COL23A1: variants seen among roughly 807,000 people sequenced by gnomAD.
COL23A1 encodes the protein collagen type XXIII alpha 1 chain.
A neutral mutation model predicts 99.3 loss-of-function variants in COL23A1; 97 were observed. The ratio of observed to expected loss-of-function variants is 0.98; its 90% confidence interval spans 0.83 to 1.16. The LOEUF is 1.16. Ranked by LOEUF, COL23A1 falls within the 50% of genes most tolerant of loss-of-function variation. COL23A1 has a pLI of 0.00. For missense variants in COL23A1, 762 were observed against 757.4 expected, an observed-to-expected ratio of 1.01 and a Z score of -0.07; for synonymous variants, 320 against 308.2, an observed-to-expected ratio of 1.04 and a Z score of -0.40.
chr5:178,479,555 C>T (rs1757219483), intron 2 of COL23A1, among the ~76,000 whole-genome samples: 1 of 152,136 alleles, frequency 6.6e-6, no homozygotes, highest in Admixed American at 6.5e-5. Context: ...ACATGGGACC[C>T]GTTCCCAGGA....
At chr5:178,516,654 T>C (rs572579784) in intron 2 of COL23A1, among the ~76,000 whole-genome samples, 1 of 152,220 alleles carries the variant, frequency 6.6e-6, no homozygotes, top group Non-Finnish European at 1.5e-5. Context: ...AGAGAAGATG[T>C]GCATTTATCC....
rs879913310 is a variant in COL23A1 at position 178,244,486 on chromosome 5, C to T, written c.1440+1456G>A. On this transcript the variant is annotated intron_variant, in intron 25 of 28. Coordinates refer to ENST00000390654, the MANE Select transcript of COL23A1 (RefSeq NM_173465.4). ...TGGCTAAGTGACAGTTCAGCGTTGA[C>T]CTAACTGGGACCAGGGAGAGCCCAT... is the stretch of plus-strand genomic sequence containing the variant. Among the ~76,000 whole-genome samples the T allele has an allele frequency of 9.2e-5, 14 of 152,196 alleles. No individual in the cohort carries two copies. The East Asian group carries it at 9.6e-4, about 10-fold the overall frequency.
chr5:178,482,182 C>T (rs964894564), intron 2 of COL23A1, among the ~76,000 whole-genome samples: 2 of 152,092 alleles, frequency 1.3e-5, no homozygotes, highest in African/African-American at 4.8e-5. Context: ...CTATTTACAA[C>T]AGCCAAAAGG....
rs138178763 is a variant in COL23A1, at chr5:178,268,300, T to C, written c.495+430A>G. On this transcript the variant is annotated intron_variant, in intron 7 of 28. Coordinates refer to ENST00000390654, the MANE Select transcript of COL23A1 (RefSeq NM_173465.4). Reference sequence around the variant, plus strand: ...TTTTCTAGGGGGCTTTAGTGCCTGATACCAAGGAAGCCTTCCTCCCAAGGG... The same window carrying C: ...TTTTCTAGGGGGCTTTAGTGCCTGACACCAAGGAAGCCTTCCTCCCAAGGG... 4.1e-4 allele frequency among the ~76,000 whole-genome samples: 62 copies of C among 152,278 alleles called. No homozygotes were observed. The East Asian group carries it at 0.012, about 28-fold the overall frequency.
At chr5:178,256,532 A>G in intron 14 of COL23A1, 135 bp from the exon 15 acceptor site, 1 of 744,794 alleles carries the variant, frequency 1.3e-6, no homozygotes, top group South Asian at 2.3e-5. Flanking sequence ...CAAATGTATG[A>G]GAACAGCACT....
At chr5:178,350,192 C>T (rs1055113307) in intron 2 of COL23A1, among the ~76,000 whole-genome samples, 3 of 152,242 alleles carry the variant, frequency 2.0e-5, no homozygotes, top group African/African-American at 7.2e-5. Context: ...ACCCATGCCA[C>T]CTCCTCCAGG....
At position 178,309,284 on chromosome 5, in the gene COL23A1, C is replaced by T. The variant is rs1758536661; in HGVS notation, c.362-2365G>A. Among the ~76,000 whole-genome samples, 1 of 152,152 alleles carries T rather than the reference C, an allele frequency of 6.6e-6. No homozygotes were observed. Among genetic ancestry groups the T allele is most frequent in the Non-Finnish European group, 1.5e-5 (1 of 68,004 alleles). ...TGGGGAGGGATGCTGGCAGGGTGGG[C>T]AGCTGCCCAGGCAGGGTAGGGTGCC... is the stretch of plus-strand genomic sequence containing the variant. On this transcript the variant is annotated intron_variant, in intron 2 of 28. Transcript: ENST00000390654. This position sits in a 1 kb window ranked among gnomAD's most constrained non-coding sequence, Gnocchi z 4.7.
chr5:178,516,105 G>A (rs966589510), intron 2 of COL23A1, among the ~76,000 whole-genome samples: 1 of 152,118 alleles, frequency 6.6e-6, no homozygotes, highest in Non-Finnish European at 1.5e-5. Flanking sequence ...GGCACCCTGG[G>A]CGTTCCACCT....
intron 17 of COL23A1, 50 bp from the exon 18 acceptor site, chr5:178,250,155 G>C: frequency 3.7e-6 from 6 of 1,609,866 alleles, no homozygotes; most frequent in Non-Finnish European, 5.1e-6. Context: ...TTCCTAAAGA[G>C]GTGTCAGCAG....
At chr5:178,566,136 A>G (rs1762831262) in intron 1 of COL23A1, among the ~76,000 whole-genome samples, 1 of 152,012 alleles carries the variant, frequency 6.6e-6, no homozygotes, top group Non-Finnish European at 1.5e-5. Flanking sequence ...CCAAAAAATA[A>G]ATTAAAAATA....
At chr5:178,441,650 C>T (rs1766872896) in intron 2 of COL23A1, among the ~76,000 whole-genome samples, 1 of 152,110 alleles carries the variant, frequency 6.6e-6, no homozygotes, top group African/African-American at 2.4e-5. Context: ...TGGAGAAAGA[C>T]AAACACAAAC....
intron 2 of COL23A1, among the ~76,000 whole-genome samples, chr5:178,409,942 C>T (rs924083668): frequency 5.9e-5 from 9 of 151,972 alleles, no homozygotes; most frequent in Admixed American, 5.9e-4. Flanking sequence ...AATTTATTTA[C>T]ATTAGATTGA....
intron 2 of COL23A1, among the ~76,000 whole-genome samples, chr5:178,523,146 ATAT>A (rs1760050394): frequency 2.2e-5 from 1 of 44,804 alleles, no homozygotes; most frequent in African/African-American, 1.3e-4. Flanking sequence ...ATTTAAAAAT[ATAT>A]ATATATATAT....
chr5:178,418,711 G>C (rs1189817110), intron 2 of COL23A1, among the ~76,000 whole-genome samples: 2 of 144,986 alleles, frequency 1.4e-5, no homozygotes, highest in Non-Finnish European at 2.9e-5. Context: ...TGGAGATGGA[G>C]AGGATTAGAG....
intron 2 of COL23A1, among the ~76,000 whole-genome samples, chr5:178,528,596 A>G (rs777676228): frequency 2.4e-4 from 36 of 152,200 alleles, no homozygotes; most frequent in Non-Finnish European, 3.7e-4. Context: ...GGTGGGTCAC[A>G]AGGTCAGAGT....
At position 178,367,081 on chromosome 5, in the gene COL23A1, A is replaced by G. The variant is rs144821152; in HGVS notation, c.362-60162T>C. Among the ~76,000 whole-genome samples, 575 of 152,318 alleles carry G rather than the reference A, an allele frequency of 3.8e-3. 3 individuals are homozygous for G. The highest frequency in any genetic ancestry group is 0.013 in the African/African-American group (536 of 41,568). The stretch of plus-strand genomic sequence containing the variant: ...TTTTGGGCTGACTGCTGAACAGTCC[A>G]TTTGCTATCAGACAAAATTCAGTTG... On this transcript the variant is annotated intron_variant, in intron 2 of 28. Transcript: ENST00000390654.
At chr5:178,370,485 G>A (rs1300928397) in intron 2 of COL23A1, among the ~76,000 whole-genome samples, 1 of 152,168 alleles carries the variant, frequency 6.6e-6, no homozygotes, top group Non-Finnish European at 1.5e-5. Context: ...TGGAAGCAGA[G>A]AGGCTTCAGA....
At chr5:178,249,327 TC>T in intron 18 of COL23A1, 121 bp from the exon 19 acceptor site, 2 of 936,436 alleles carry the variant, frequency 2.1e-6, no homozygotes, top group Non-Finnish European at 3.4e-6. Context: ...GGTCCCCACC[TC>T]CAGCCACAGT....
rs563396098 is a variant in COL23A1, at chr5:178,388,274, G to A, written c.362-81355C>T. Among the ~76,000 whole-genome samples the A allele has an allele frequency of 2.0e-5, 3 of 152,326 alleles. No individual in the cohort carries two copies. In the East Asian group the frequency reaches 5.8e-4, roughly 29 times the overall value. ...TCCTGATAATCCCACAGCAGAGCCA[G>A]TTCTCCACTCTGCTGAAGAATTTAG... On this transcript the variant is annotated intron_variant, in intron 2 of 28. Coordinates refer to ENST00000390654, the MANE Select transcript of COL23A1 (RefSeq NM_173465.4).
Sources: gnomAD v4.1 joint callset for allele counts (sites outside exome capture counted in the v4.1 genomes callset) on GRCh38, gnomAD v4.1.1 for gene constraint, Gnocchi (gnomAD v3.1) non-coding constraint, MANE v1.5 for transcripts, NCBI Gene and HGNC (gene_info 2026-07-23, HGNC 2026-07-21) for gene names.